Variants in VWC2L observed in about 807,000 individuals in gnomAD.
The protein encoded by VWC2L is von Willebrand factor C domain-containing protein 2-like.
Under a neutral mutation model 21.6 loss-of-function variants are expected in VWC2L, and 10 were observed. That is an observed-to-expected ratio of 0.46 (90% CI 0.29 to 0.78). VWC2L has a LOEUF of 0.78. Among genes scored for constraint, VWC2L ranks in the 30% least tolerant of loss-of-function variants. The probability of loss-of-function intolerance (pLI) is 0.10; values close to 1 mark genes in which losing one functional copy is unlikely to be tolerated. For synonymous variants in VWC2L, 96 were observed against 94.3 expected (o/e 1.02, Z -0.10); for missense variants, 209 against 277.1 (o/e 0.75, Z 1.74).
intron 3 of VWC2L, among the ~76,000 whole-genome samples, chr2:214,441,747 A>AT (rs1338127510): frequency 1.3e-5 from 2 of 151,942 alleles, no homozygotes; most frequent in Non-Finnish European, 2.9e-5. Context: ...GACTACTGAT[A>AT]TTTTTTACTG....
chr2:214,560,288 C>A (rs913927771), intron 3 of VWC2L, among the ~76,000 whole-genome samples: 1 of 152,130 alleles, frequency 6.6e-6, no homozygotes, highest in African/African-American at 2.4e-5. Flanking sequence ...ACCTACTCAT[C>A]TTTTTTTAGT....
chr2:214,517,474 G>A (rs116608500), intron 3 of VWC2L, among the ~76,000 whole-genome samples: 1,647 of 152,258 alleles, frequency 0.011, 31 homozygotes, highest in African/African-American at 0.038. Flanking sequence ...GCCACACCAA[G>A]TAAATTAACA....
At chr2:214,492,746 G>T (rs1688761885) in intron 3 of VWC2L, among the ~76,000 whole-genome samples, 1 of 151,944 alleles carries the variant, frequency 6.6e-6, no homozygotes, top group Admixed American at 6.6e-5. Context: ...TTTGAGTTTT[G>T]GTATGTCTGA....
chr2:214,438,105 T>A (rs1212157315), intron 3 of VWC2L, among the ~76,000 whole-genome samples: 2 of 151,972 alleles, frequency 1.3e-5, no homozygotes, highest in Non-Finnish European at 2.9e-5. Flanking sequence ...ACTTTAAAAT[T>A]TTAAAGGGAC....
intron 2 of VWC2L, 47 bp from the exon 3 acceptor site, chr2:214,436,582 G>A (rs1485730498): frequency 6.2e-7 from 1 of 1,603,852 alleles, no homozygotes; most frequent in Non-Finnish European, 8.5e-7. Flanking sequence ...GAATGTGCAA[G>A]CATTAAGTTA....
At chr2:214,443,059 G>A (rs989927878) in intron 3 of VWC2L, among the ~76,000 whole-genome samples, 2 of 152,070 alleles carry the variant, frequency 1.3e-5, no homozygotes, top group Non-Finnish European at 2.9e-5. Context: ...TCAGGTTAGG[G>A]TTTAATCTCA....
In VWC2L at chr2:214,578,429, A is replaced by T. The variant is rs1690266665; in HGVS notation, c.*2609A>T. On this transcript the variant is annotated 3_prime_UTR_variant, in exon 4 of 4. Coordinates refer to ENST00000312504, the MANE Select transcript of VWC2L (RefSeq NM_001080500.4). Reference sequence around the variant, plus strand: ...CTCTGATAACCAGCTAGAGAGAGGGATTTTTATGGTTGGTTTTGTTGTTGT... The same window carrying T: ...CTCTGATAACCAGCTAGAGAGAGGGTTTTTTATGGTTGGTTTTGTTGTTGT... 1.3e-5 allele frequency: 2 copies of T among 152,110 alleles called. No homozygotes were observed. Among genetic ancestry groups the T allele is most frequent in the African/African-American group, 4.8e-5 (2 of 41,424 alleles). The allele number at this position is 152,110 out of a possible 1,614,324, so 9.4% of individuals were successfully genotyped here. A position where few individuals can be genotyped will look rare whatever the true frequency, so the allele number is the denominator to read the frequency against.
At position 214,533,272 on chromosome 2, in the gene VWC2L, T is replaced by C. The variant is rs192669444; in HGVS notation, c.521-42400T>C. ...ATGTATATTTATATGTATGCAGATGTATATATATTAAAGCACTTTAGCTTA... is the reference window on the plus strand; with the variant it reads ...ATGTATATTTATATGTATGCAGATGCATATATATTAAAGCACTTTAGCTTA... On this transcript the variant is annotated intron_variant, in intron 3 of 3. Coordinates refer to ENST00000312504, the MANE Select transcript of VWC2L (RefSeq NM_001080500.4). 2.5e-4 allele frequency among the ~76,000 whole-genome samples: 38 copies of C among 152,206 alleles called. 1 individual carries two copies. Among genetic ancestry groups the C allele is most frequent in the African/African-American group, 8.2e-4 (34 of 41,550 alleles).
chr2:214,524,296 C>T (rs1689292428), intron 3 of VWC2L, among the ~76,000 whole-genome samples: 2 of 152,160 alleles, frequency 1.3e-5, no homozygotes, highest in African/African-American at 4.8e-5. Context: ...CAAGTTCAAG[C>T]ACAAAATATC....
intron 3 of VWC2L, among the ~76,000 whole-genome samples, chr2:214,442,050 T>C (rs1702769069): frequency 6.6e-6 from 1 of 151,944 alleles, no homozygotes; most frequent in Admixed American, 6.6e-5. Context: ...TAGCTGGGAT[T>C]ATAGGTGCCC....
rs866317975 is a variant in VWC2L, at chr2:214,482,065, C to T, written c.520+45307C>T. On this transcript the variant is annotated intron_variant, in intron 3 of 3. Transcript: ENST00000312504. ...GCAGACAGTATCATGATCTGGGATACTGATGATTGAAACATTGGCAAAAAT... is the reference window on the plus strand; with the variant it reads ...GCAGACAGTATCATGATCTGGGATATTGATGATTGAAACATTGGCAAAAAT... Among the ~76,000 whole-genome samples the T allele has an allele frequency of 6.6e-5, 10 of 152,220 alleles. No homozygotes were observed. The Middle Eastern group carries it at 0.014, about 207-fold the overall frequency.
chr2:214,555,843 G>T (rs1248019414), intron 3 of VWC2L, among the ~76,000 whole-genome samples: 1 of 152,094 alleles, frequency 6.6e-6, no homozygotes, highest in Non-Finnish European at 1.5e-5. Flanking sequence ...AGCTCTATGG[G>T]CTCTTCAGTA....
intron 3 of VWC2L, among the ~76,000 whole-genome samples, chr2:214,564,243 CTAAAG>C (rs1402523254): frequency 6.6e-6 from 1 of 152,138 alleles, no homozygotes. Flanking sequence ...GCCATACTAC[CTAAAG>C]TAATCTATAG....
intron 3 of VWC2L, among the ~76,000 whole-genome samples, chr2:214,564,820 T>C (rs1265371705): frequency 6.6e-6 from 1 of 152,192 alleles, no homozygotes; most frequent in African/African-American, 2.4e-5. Flanking sequence ...TGCCCTATTT[T>C]GGTGCAGTTT....
chr2:214,533,356 G>C (rs1574621971), intron 3 of VWC2L, among the ~76,000 whole-genome samples: 1 of 152,208 alleles, frequency 6.6e-6, no homozygotes, highest in African/African-American at 2.4e-5. Flanking sequence ...GCCTGCAGCT[G>C]TAATGGGTCT....
intron 2 of VWC2L, among the ~76,000 whole-genome samples, chr2:214,425,837 T>A (rs1013607488): frequency 2.4e-4 from 36 of 152,122 alleles, no homozygotes; most frequent in African/African-American, 7.5e-4. Flanking sequence ...GTACCACTGA[T>A]GATAAGTAGC....
chr2:214,493,081 A>G (rs1033786836), intron 3 of VWC2L, among the ~76,000 whole-genome samples: 9 of 152,228 alleles, frequency 5.9e-5, no homozygotes, highest in Non-Finnish European at 1.0e-4. Context: ...AATATGGGGT[A>G]CACCTGCATA....
chr2:214,477,189 G>A (rs907141266), intron 3 of VWC2L, among the ~76,000 whole-genome samples: 1 of 152,188 alleles, frequency 6.6e-6, no homozygotes, highest in African/African-American at 2.4e-5. Context: ...GTCAGAAAAT[G>A]CCATTCATGT....
chr2:214,544,075 AT>A (rs1379602796), intron 3 of VWC2L, among the ~76,000 whole-genome samples: 1 of 152,200 alleles, frequency 6.6e-6, no homozygotes, highest in Non-Finnish European at 1.5e-5. Context: ...AAAGTGAGAA[AT>A]TAAGACTCAG....
Sources: allele counts gnomAD v4.1 joint callset (sites outside exome capture counted in the v4.1 genomes callset), GRCh38; gene constraint gnomAD v4.1.1; transcripts MANE v1.5; gene names NCBI Gene and HGNC (gene_info 2026-07-23, HGNC 2026-07-21).